The following CCDC134 variants were observed in gnomAD, a reference collection of about 807,000 sequenced individuals.
CCDC134 encodes coiled-coil domain-containing protein 134.
In CCDC134, 27 loss-of-function variants were observed where a neutral mutation model predicts 25.6. That is an observed-to-expected ratio of 1.05 (90% CI 0.78 to 1.45). The LOEUF (loss-of-function observed/expected upper bound fraction) is 1.45. CCDC134 is among the 40% of genes most tolerant of loss of function. The pLI, the probability that CCDC134 is intolerant of heterozygous loss-of-function variation, is 0.00. For missense variants in CCDC134, 261 were observed against 286.7 expected, an observed-to-expected ratio of 0.91 and a Z score of 0.65; for synonymous variants, 110 against 115.0, an observed-to-expected ratio of 0.96 and a Z score of 0.28.
At position 41,828,839 on chromosome 22, in the gene CCDC134, C is replaced by T. The variant is rs2076691761; in HGVS notation, c.*3016C>T. 6.6e-6 allele frequency among the ~76,000 whole-genome samples: 1 copy of T among 152,154 alleles called. No individual in the cohort carries two copies. Among genetic ancestry groups the T allele is most frequent in the Non-Finnish European group, 1.5e-5 (1 of 68,032 alleles). ...AGCAGTGAAGGGGTGGCTCTAATGC[C>T]AAGTCCAGTGACCAGTGCCAGGGTG... On this transcript the variant is annotated 3_prime_UTR_variant, in exon 7 of 7. Transcript: ENST00000255784.
At chr22:41,820,525 A>T (rs777401570) in intron 6 of CCDC134, among the ~76,000 whole-genome samples, 22 of 152,150 alleles carry the variant, frequency 1.4e-4, no homozygotes, top group Non-Finnish European at 4.4e-5. Flanking sequence ...ACAGGTGTGG[A>T]GGCTGCTGTG....
chr22:41,822,929 G>GC (rs2076659277), intron 6 of CCDC134, among the ~76,000 whole-genome samples: 1 of 152,172 alleles, frequency 6.6e-6, no homozygotes, highest in African/African-American at 2.4e-5. Context: ...AATCTAACCT[G>GC]GTAGGCAGAT....
Position 41,827,162 on chromosome 22 carries a change from C to T in CCDC134, c.*1339C>T, listed in dbSNP as rs529036765. 1.8e-4 allele frequency among the ~76,000 whole-genome samples: 27 copies of T among 152,210 alleles called. No homozygotes were observed. The highest frequency in any genetic ancestry group is 3.3e-4 in the Admixed American group (5 of 15,290). Reference sequence around the variant, plus strand: ...AGAAGCCTCATGGAAGGGCCCAGAACATCCTGCACCCATCAGTTACTCGGA... The same window carrying T: ...AGAAGCCTCATGGAAGGGCCCAGAATATCCTGCACCCATCAGTTACTCGGA... On this transcript the variant is annotated 3_prime_UTR_variant, in exon 7 of 7. Transcript: ENST00000255784.
Position 41,825,728 on chromosome 22 carries a change from G to T in CCDC134, c.595G>T (p.Ala199Ser). 1 of 1,614,100 alleles carries T rather than the reference G, an allele frequency of 6.2e-7. No homozygotes were observed. Among genetic ancestry groups the T allele is most frequent in the Non-Finnish European group, 8.5e-7 (1 of 1,179,996 alleles). ...FIPSTDPFQKALREEEKRRKK... is the reference protein window; with the variant it reads ...FIPSTDPFQKSLREEEKRRKK... ...TCCCAGCACTGACCCTTTCCAGAAG[G>T]CCCTGAGAGAAGAAGAGAAACGCCG... Residue 199 changes from alanine to serine, a missense_variant, in exon 7 of 7, where the codon GCC (alanine) becomes TCC (serine). Ala to Ser is a moderately conservative substitution (Grantham distance 99). Coordinates refer to ENST00000255784, the MANE Select transcript of CCDC134 (RefSeq NM_024821.5). This position sits in a 1 kb window ranked among gnomAD's most constrained non-coding sequence, Gnocchi z 4.4.
chr22:41,814,142 T>C (rs937536597), intron 6 of CCDC134, among the ~76,000 whole-genome samples: 3 of 152,230 alleles, frequency 2.0e-5, no homozygotes, highest in African/African-American at 7.2e-5. Context: ...GATCAGGCCA[T>C]GCTCTTCCCT....
chr22:41,802,989 C>T (rs976808314), intron 1 of CCDC134, among the ~76,000 whole-genome samples: 1 of 151,882 alleles, frequency 6.6e-6, no homozygotes, highest in East Asian at 1.9e-4. Context: ...TGGCACATGC[C>T]TGTAATCCCA....
chr22:41,823,850 G>A (rs4822056), intron 6 of CCDC134, among the ~76,000 whole-genome samples: 17,829 of 152,260 alleles, frequency 0.12, 1,617 homozygotes, highest in Admixed American at 0.31. Context: ...ACCAGAACAC[G>A]GGGAGAATGT....
intron 1 of CCDC134, among the ~76,000 whole-genome samples, chr22:41,804,653 C>T (rs1447806439): frequency 6.6e-6 from 1 of 152,200 alleles, no homozygotes; most frequent in Non-Finnish European, 1.5e-5. Flanking sequence ...CAGGAAGTGA[C>T]AGATTTTACT....
At position 41,828,026 on chromosome 22, in the gene CCDC134, A is replaced by G. The variant is rs1003003807; in HGVS notation, c.*2203A>G. On this transcript the variant is annotated 3_prime_UTR_variant, in exon 7 of 7. Transcript: ENST00000255784. ...TTTCTTGGGGTGGCAGGGAGGCTAA[A>G]GCATACCTCAGGACAGTCAGTGGTG... Among the ~76,000 whole-genome samples, 1 of 152,224 alleles carries G rather than the reference A, an allele frequency of 6.6e-6. No homozygotes were observed. Among genetic ancestry groups the G allele is most frequent in the Non-Finnish European group, 1.5e-5 (1 of 68,024 alleles).
chr22:41,802,300 T>A (rs948826926), intron 1 of CCDC134, among the ~76,000 whole-genome samples: 1 of 152,208 alleles, frequency 6.6e-6, no homozygotes, highest in Non-Finnish European at 1.5e-5. Context: ...ACTTTACTGA[T>A]CAGTCATCCT....
chr22:41,825,291 C>T lies in CCDC134; in HGVS notation c.565-407C>T, dbSNP rs1272483188. The stretch of plus-strand genomic sequence containing the variant: ...CCAATGAAGTCCTCATCCTCCACCC[C>T]CCCACTTGCCTTGTCATCTGTGACT... On this transcript the variant is annotated intron_variant, in intron 6 of 6. Transcript: ENST00000255784. This position sits in a 1 kb window ranked among gnomAD's most constrained non-coding sequence, Gnocchi z 4.4. Among the ~76,000 whole-genome samples the T allele has an allele frequency of 6.6e-6, 1 of 151,850 alleles. No homozygotes were observed. Among genetic ancestry groups the T allele is most frequent in the Admixed American group, 6.6e-5 (1 of 15,258 alleles).
intron 1 of CCDC134, among the ~76,000 whole-genome samples, chr22:41,803,275 A>G (rs117340583): frequency 6.6e-6 from 1 of 152,156 alleles, no homozygotes; most frequent in South Asian, 2.1e-4. Context: ...AAAACCCCAA[A>G]TACCTTTTAG....
At chr22:41,803,584 A>G (rs573274538) in intron 1 of CCDC134, among the ~76,000 whole-genome samples, 281 of 152,178 alleles carry the variant, frequency 1.8e-3, no homozygotes, top group South Asian at 3.7e-3. Flanking sequence ...CCTGGCCAAG[A>G]TCATGAAACC....
At chr22:41,803,061 C>T (rs528674697) in intron 1 of CCDC134, among the ~76,000 whole-genome samples, 1 of 152,144 alleles carries the variant, frequency 6.6e-6, no homozygotes, top group South Asian at 2.1e-4. Flanking sequence ...TTGCGGTGAG[C>T]CGAGATCGCA....
Position 41,828,370 on chromosome 22 carries a change from A to G in CCDC134, c.*2547A>G, listed in dbSNP as rs894754594. Among the ~76,000 whole-genome samples, 3 of 152,126 alleles carry G rather than the reference A, an allele frequency of 2.0e-5. No individual in the cohort carries two copies. The highest frequency in any genetic ancestry group is 7.2e-5 in the African/African-American group (3 of 41,408). On this transcript the variant is annotated 3_prime_UTR_variant, in exon 7 of 7. Coordinates refer to ENST00000255784, the MANE Select transcript of CCDC134 (RefSeq NM_024821.5). ...TCTCTGACGGTTCCTTGTTCATCCC[A>G]TGTATTTACTGACTGCCTGCTATAT...
At chr22:41,819,049 T>C (rs545922354) in intron 6 of CCDC134, among the ~76,000 whole-genome samples, 1 of 152,314 alleles carries the variant, frequency 6.6e-6, no homozygotes, top group Admixed American at 6.5e-5. Flanking sequence ...CAACATACTT[T>C]CCTTACATGC....
At position 41,813,795 on chromosome 22, in the gene CCDC134, G is replaced by A; in HGVS notation, c.537G>A (p.Gln179=). Residue 179 remains glutamine, a synonymous_variant, in exon 6 of 7, where the codon CAG becomes CAA. Transcript: ENST00000255784. ...LGISEKDSNF[Q]NPFKIDRTEF... The stretch of plus-strand genomic sequence containing the variant: ...TCAGTGAGAAAGACTCCAACTTCCA[G>A]AACCCATTTAAAATCGACCGCACAG... The A allele has an allele frequency of 6.2e-7, 1 of 1,613,942 alleles. No individual in the cohort carries two copies. The highest frequency in any genetic ancestry group is 8.5e-7 in the Non-Finnish European group (1 of 1,179,970).
intron 6 of CCDC134, among the ~76,000 whole-genome samples, chr22:41,821,435 G>A (rs1002550743): frequency 6.6e-6 from 1 of 151,260 alleles, no homozygotes. Context: ...TTGTCATTTA[G>A]CATTAGGCAT....
In CCDC134 at chr22:41,827,776, G is replaced by A. The variant is rs1468295745; in HGVS notation, c.*1953G>A. Among the ~76,000 whole-genome samples the A allele has an allele frequency of 3.3e-5, 5 of 152,242 alleles. No individual in the cohort carries two copies. The highest frequency in any genetic ancestry group is 3.3e-4 in the Admixed American group (5 of 15,284). ...TTCCTGCATCAACGGGAAAGGGTCAGATTCACTGGCTCAGCTGTTTAACCT... is the reference window on the plus strand; with the variant it reads ...TTCCTGCATCAACGGGAAAGGGTCAAATTCACTGGCTCAGCTGTTTAACCT... On this transcript the variant is annotated 3_prime_UTR_variant, in exon 7 of 7. Coordinates refer to ENST00000255784, the MANE Select transcript of CCDC134 (RefSeq NM_024821.5).
Sources: allele counts gnomAD v4.1 joint callset (sites outside exome capture counted in the v4.1 genomes callset), GRCh38; gene constraint gnomAD v4.1.1; non-coding constraint Gnocchi (gnomAD v3.1); transcripts MANE v1.5; gene names NCBI Gene and HGNC (gene_info 2026-07-23, HGNC 2026-07-21).